The following IFT27 variants were observed in gnomAD, a reference collection of about 807,000 sequenced individuals.
IFT27 encodes intraflagellar transport 27.
IFT27 carries 19 observed loss-of-function variants against 23.9 expected under a neutral mutation model. The ratio of observed to expected loss-of-function variants is 0.79; its 90% CI spans 0.55 to 1.16. The LOEUF is 1.16. Ranked by LOEUF, IFT27 falls within the 50% of genes most tolerant of loss-of-function variation. The pLI is 0.00. For synonymous variants in IFT27, 91 were observed against 89.1 expected (o/e 1.02, Z -0.12); for missense variants, 206 against 228.7 (o/e 0.90, Z 0.64).
In IFT27 at chr22:36,763,918, C is replaced by A. The variant is rs780659194; in HGVS notation, c.352+1G>T. On this transcript the variant is annotated splice_donor_variant, in intron 5 of 6. Transcript: ENST00000433985. LOFTEE classifies it high-confidence loss of function. The stretch of plus-strand genomic sequence containing the variant: ...GAAACATGGGTGTCTGCAGCCCGTA[C>A]CTGGGAGAGAGATGCCTGGAGCCTG... The A allele has an allele frequency of 5.9e-5, 94 of 1,604,688 alleles. No homozygotes were observed. The highest frequency in any genetic ancestry group is 7.8e-5 in the Non-Finnish European group (91 of 1,171,490).
At chr22:36,771,030 A>AC (rs1938375224) in intron 1 of IFT27, among the ~76,000 whole-genome samples, 1 of 151,966 alleles carries the variant, frequency 6.6e-6, no homozygotes, top group Admixed American at 6.5e-5. Context: ...AGCAGCACTA[A>AC]CTGCTTCCTG....
chr22:36,770,583 C>G (rs887169661), intron 1 of IFT27, among the ~76,000 whole-genome samples: 1 of 152,234 alleles, frequency 6.6e-6, no homozygotes, highest in Admixed American at 6.5e-5. Flanking sequence ...CCGTCATGCC[C>G]TGGTCCTGAG....
rs150387982 is a variant in IFT27, at chr22:36,758,325, G to A, written c.547C>T (p.Arg183Trp). The change falls in exon 7 of 7, where the codon CGG becomes TGG. Residue 183 changes from arginine (R) to tryptophan (W), a missense_variant. Arg to Trp is a moderately radical substitution (Grantham distance 101, BLOSUM62 -3). Coordinates refer to ENST00000433985, the MANE Select transcript of IFT27 (RefSeq NM_001177701.3). ...QLYREKVEVF[R>W]ALA ...GCTCCAGCTCGTCATGCCAGGGCCCGGAAAACCTCCACCTTCTCCCGGTAC... is the reference window on the plus strand; with the variant it reads ...GCTCCAGCTCGTCATGCCAGGGCCCAGAAAACCTCCACCTTCTCCCGGTAC... The A allele has an allele frequency of 6.7e-5, 108 of 1,613,928 alleles. No homozygotes were observed. Among genetic ancestry groups the A allele is most frequent in the Admixed American group, 2.3e-4 (14 of 59,998 alleles).
At chr22:36,760,352 G>C (rs1210954208) in intron 6 of IFT27, 2 of 152,242 alleles carry the variant, frequency 1.3e-5, no homozygotes, top group Non-Finnish European at 2.9e-5. Context: ...TTCAATGCAG[G>C]TGAGCCTCAA....
chr22:36,759,686 A>G (rs1377086156), intron 6 of IFT27: 1 of 152,264 alleles, frequency 6.6e-6, no homozygotes, highest in Non-Finnish European at 1.5e-5. Flanking sequence ...GCAAAAGTGC[A>G]ACCTTGAGAA....
rs112553220 is a variant in IFT27 at position 36,763,820 on chromosome 22, G to A, written c.352+99C>T. 18 of 888,350 alleles carry A rather than the reference G, an allele frequency of 2.0e-5. 1 individual carries two copies. Among genetic ancestry groups the A allele is most frequent in the African/African-American group, 2.0e-4 (12 of 60,968 alleles). The allele number at this position is 888,350 out of a possible 1,614,324, so 55.0% of individuals were successfully genotyped here. A position where few individuals can be genotyped will look rare whatever the true frequency, so the allele number is the denominator to read the frequency against. Reference sequence around the variant, plus strand: ...TTAGGCCATCAAAGTCCAAGCCCAGGGCCCCTTCTCCACCCACAGCTACCT... The same window carrying A: ...TTAGGCCATCAAAGTCCAAGCCCAGAGCCCCTTCTCCACCCACAGCTACCT... On this transcript the variant is annotated intron_variant, in intron 5 of 6. Coordinates refer to ENST00000433985, the MANE Select transcript of IFT27 (RefSeq NM_001177701.3).
In IFT27 at chr22:36,775,826, A is replaced by G; in HGVS notation, c.-119T>C. ...CGGGAAGGTGGGGAGGGGAGGGCTG[A>G]TCTCAAGGGTCAGTGGCCGCGACGG... On this transcript the variant is annotated 5_prime_UTR_variant, in exon 1 of 7. Coordinates refer to ENST00000433985, the MANE Select transcript of IFT27 (RefSeq NM_001177701.3). 3 of 880,102 alleles carry G rather than the reference A, an allele frequency of 3.4e-6. No homozygotes were observed. The highest frequency in any genetic ancestry group is 3.6e-6 in the Non-Finnish European group (2 of 561,276). 54.5% of individuals were successfully genotyped at this position (880,102 alleles called of 1,614,324 possible). A position where few individuals can be genotyped will look rare whatever the true frequency, so the allele number is the denominator to read the frequency against.
chr22:36,764,488 C>G (rs1002016281), intron 4 of IFT27, among the ~76,000 whole-genome samples: 1 of 152,240 alleles, frequency 6.6e-6, no homozygotes, highest in African/African-American at 2.4e-5. Context: ...CTGCAGCTGG[C>G]CTCATTCATT....
chr22:36,767,268 G>C (rs1190151905), intron 3 of IFT27, 38 bp downstream of exon 3: 91 of 1,570,932 alleles, frequency 5.8e-5, no homozygotes, highest in Non-Finnish European at 7.4e-5. Context: ...GCCCAGCTGG[G>C]GGAGCCCTGA....
Position 36,767,816 on chromosome 22 carries a change from A to G in IFT27, c.81T>C (p.Ser27=). 6.2e-7 allele frequency: 1 copy of G among 1,614,204 alleles called. No individual in the cohort carries two copies. Among genetic ancestry groups the G allele is most frequent in the East Asian group, 2.2e-5 (1 of 44,894 alleles). The change falls in exon 2 of 7, where the codon AGT becomes AGC. Residue 27 remains serine (S), a synonymous_variant. Transcript: ENST00000433985. The stretch of plus-strand genomic sequence containing the variant: ...AGCTTTTCTGGAAATGGGCTCCATC[A>G]CTGCGGAAGATCTGTGCCAGGGCGG... ...GKTALAQIFR[S]DGAHFQKSYT... is the part of the protein sequence containing the mutation.
At chr22:36,761,678 G>A (rs1397014098) in intron 6 of IFT27, 1 of 152,192 alleles carries the variant, frequency 6.6e-6, no homozygotes, top group Admixed American at 6.5e-5. Flanking sequence ...TTACAAGCCT[G>A]AGCCACCAAC....
chr22:36,771,878 C>A (rs907378610), intron 1 of IFT27, among the ~76,000 whole-genome samples: 1 of 152,156 alleles, frequency 6.6e-6, no homozygotes, highest in Non-Finnish European at 1.5e-5. Context: ...TCTTGGCAAA[C>A]CTTCACACAA....
At position 36,771,529 on chromosome 22, in the gene IFT27, C is replaced by T. The variant is rs564748533; in HGVS notation, c.35-3667G>A. On this transcript the variant is annotated intron_variant, in intron 1 of 6. Coordinates refer to ENST00000433985, the MANE Select transcript of IFT27 (RefSeq NM_001177701.3). ...TGCTCTGTGGCATGTGCTGGGGTCA[C>T]GCGGCAGGTGACTGAACTCCTGAGG... Among the ~76,000 whole-genome samples the T allele has an allele frequency of 5.5e-4, 84 of 152,200 alleles. No individual in the cohort carries two copies. In the Middle Eastern group the frequency reaches 0.01, roughly 18 times the overall value.
intron 1 of IFT27, chr22:36,772,748 G>T: frequency 1.0e-6 from 1 of 985,224 alleles, no homozygotes; most frequent in African/African-American, 1.7e-5. Flanking sequence ...CACTTGAACT[G>T]AACGTCAGGT....
At chr22:36,770,352 CCTG>C (rs1422070329) in intron 1 of IFT27, among the ~76,000 whole-genome samples, 1 of 152,144 alleles carries the variant, frequency 6.6e-6, no homozygotes, top group Non-Finnish European at 1.5e-5. Flanking sequence ...GCCTGGTTCT[CCTG>C]CTATCTGCCT....
chr22:36,764,070 T>C, intron 4 of IFT27, 34 bp from the exon 5 acceptor site: 1 of 1,482,114 alleles, frequency 6.7e-7, no homozygotes, highest in Non-Finnish European at 9.4e-7. Flanking sequence ...TATGGGTCAG[T>C]AACAGGAAAA....
intron 1 of IFT27, among the ~76,000 whole-genome samples, chr22:36,770,911 A>G (rs992541777): frequency 6.6e-6 from 1 of 152,170 alleles, no homozygotes. Context: ...GGCTCTGCCA[A>G]TGGGAGTTCT....
At chr22:36,768,671 T>C (rs1195736596) in intron 1 of IFT27, 1 of 152,828 alleles carries the variant, frequency 6.5e-6, no homozygotes. Flanking sequence ...CGAGCGCTCC[T>C]CCCGTGCCCG....
rs1938494831 is a variant in IFT27 at position 36,776,067 on chromosome 22, C to G, written c.-360G>C. ...AAGGAAGGACGATCCGGCTCTCCTC[C>G]GATCACAAGTACCGGGCCGGATGCA... On this transcript the variant is annotated 5_prime_UTR_variant, in exon 1 of 7. Coordinates refer to ENST00000433985, the MANE Select transcript of IFT27 (RefSeq NM_001177701.3). The G allele has an allele frequency of 9.1e-6, 3 of 330,490 alleles. No individual in the cohort carries two copies. Among genetic ancestry groups the G allele is most frequent in the African/African-American group, 2.1e-5 (1 of 48,292 alleles). 20.5% of individuals were successfully genotyped at this position (330,490 alleles called of 1,614,324 possible).
Sources: allele counts gnomAD v4.1 joint callset (sites outside exome capture counted in the v4.1 genomes callset), GRCh38; gene constraint gnomAD v4.1.1; transcripts MANE v1.5; gene names NCBI Gene and HGNC (gene_info 2026-07-23, HGNC 2026-07-21).